The following MAGI1 variants were observed in gnomAD, a reference collection of about 807,000 sequenced individuals.
The protein encoded by MAGI1 is membrane-associated guanylate kinase, WW and PDZ domain-containing protein 1.
A neutral mutation model predicts 139.9 loss-of-function variants in MAGI1; 58 were observed. That is an observed-to-expected ratio of 0.41 (90% CI 0.34 to 0.52). MAGI1 has a LOEUF of 0.52. MAGI1 is among the 20% of genes least tolerant of loss of function. The pLI, the probability that MAGI1 is intolerant of heterozygous loss-of-function variation, is 0.12. For missense variants in MAGI1, 1,874 were observed against 1,901.6 expected (o/e 0.99, Z 0.27); for synonymous variants, 812 against 737.9 (o/e 1.10, Z -1.63).
chr3:65,685,673 T>C (rs546508544), intron 1 of MAGI1, among the ~76,000 whole-genome samples: 2 of 152,316 alleles, frequency 1.3e-5, no homozygotes, highest in South Asian at 2.1e-4. Flanking sequence ...CATATTGCTA[T>C]TTTCATTTGA....
intron 2 of MAGI1, among the ~76,000 whole-genome samples, chr3:65,617,137 G>A (rs1361896672): frequency 2.0e-5 from 3 of 152,152 alleles, no homozygotes; most frequent in South Asian, 4.1e-4. Context: ...TAATCCCTCC[G>A]TAAAGTCCTT....
intron 1 of MAGI1, among the ~76,000 whole-genome samples, chr3:65,782,613 C>T (rs1229445845): frequency 1.7e-5 from 1 of 60,544 alleles, no homozygotes; most frequent in African/African-American, 5.9e-5. Context: ...ATTTCTTAAG[C>T]AAAAAAAAAA....
intron 1 of MAGI1, among the ~76,000 whole-genome samples, chr3:65,755,364 G>A (rs565580833): frequency 6.6e-6 from 1 of 152,284 alleles, no homozygotes; most frequent in South Asian, 2.1e-4. Flanking sequence ...GACATGTTCA[G>A]GGTCATATCT....
chr3:65,499,346 A>T (rs983204933), intron 2 of MAGI1, among the ~76,000 whole-genome samples: 4 of 152,156 alleles, frequency 2.6e-5, no homozygotes, highest in African/African-American at 9.7e-5. Flanking sequence ...TGTAATGGTA[A>T]ATGGTAAAGA....
chr3:65,736,658 G>A (rs553454054), intron 1 of MAGI1, among the ~76,000 whole-genome samples: 1 of 152,274 alleles, frequency 6.6e-6, no homozygotes, highest in East Asian at 1.9e-4. Context: ...GAGAAGATGG[G>A]TGTCCCAGCT....
At chr3:65,582,843 G>A (rs939367889) in intron 2 of MAGI1, among the ~76,000 whole-genome samples, 4 of 152,148 alleles carry the variant, frequency 2.6e-5, no homozygotes, top group Non-Finnish European at 4.4e-5. Context: ...GCAAATGAAC[G>A]CTGACATGAG....
intron 5 of MAGI1, among the ~76,000 whole-genome samples, chr3:65,460,856 T>A (rs553673789): frequency 1.8e-4 from 27 of 152,160 alleles, no homozygotes; most frequent in Non-Finnish European, 3.1e-4. Context: ...GCTTCATCCA[T>A]GTCCCTGCAA....
intron 1 of MAGI1, among the ~76,000 whole-genome samples, chr3:65,740,759 G>A (rs11131036): frequency 0.19 from 29,428 of 152,080 alleles, 3,789 homozygotes; most frequent in East Asian, 0.37. Flanking sequence ...AGGTCAGGTC[G>A]TGAAAAAATA....
chr3:65,947,996 C>T (rs1376879789), intron 1 of MAGI1, among the ~76,000 whole-genome samples: 1 of 143,564 alleles, frequency 7.0e-6, no homozygotes, highest in African/African-American at 2.6e-5. Flanking sequence ...GGCTAGAGTG[C>T]ACTGGTACGA....
In MAGI1 at chr3:65,356,648, A is replaced by G. The variant is rs754609491; in HGVS notation, c.4119T>C (p.Ser1373=). 5 of 1,586,182 alleles carry G rather than the reference A, an allele frequency of 3.2e-6. No homozygotes were observed. The highest frequency in any genetic ancestry group is 2.2e-5 in the East Asian group (1 of 44,554). ...TCCTCTGCTCCAGGAGTCTCTCCAG[A>G]GACCGTCTCCGCCGGCTGGGGGAGC... The part of the protein sequence containing the change: ...RDGSPSRRRR[S]LERLLEQRRS... The change falls in exon 23 of 23, where the codon TCT becomes TCC. Residue 1373 remains serine, a synonymous_variant. Coordinates refer to ENST00000402939, the MANE Select transcript of MAGI1 (RefSeq NM_001033057.2).
chr3:65,782,053 CCTAA>C (rs1390338973), intron 1 of MAGI1, among the ~76,000 whole-genome samples: 2 of 152,072 alleles, frequency 1.3e-5, no homozygotes, highest in Non-Finnish European at 2.9e-5. Flanking sequence ...GTCTAGAGAC[CCTAA>C]CTATCAAAGG....
At chr3:65,649,797 A>G (rs1576598130) in intron 1 of MAGI1, among the ~76,000 whole-genome samples, 1 of 152,300 alleles carries the variant, frequency 6.6e-6, no homozygotes, top group East Asian at 1.9e-4. Flanking sequence ...GCAAATTAAA[A>G]CCACAATTAG....
intron 4 of MAGI1, 113 bp from the exon 5 acceptor site, chr3:65,470,597 A>C (rs1950502403): frequency 1.6e-6 from 1 of 630,366 alleles, no homozygotes; most frequent in African/African-American, 1.8e-5. Flanking sequence ...CTATATTCTT[A>C]AATGCTCTTA....
chr3:65,375,228 G>A (rs1268451762), intron 18 of MAGI1, among the ~76,000 whole-genome samples: 3 of 142,682 alleles, frequency 2.1e-5, no homozygotes, highest in Admixed American at 7.4e-5. Flanking sequence ...TCACTCTGTC[G>A]CCCAGGCTGG....
chr3:65,468,284 C>T (rs891758717), intron 5 of MAGI1, among the ~76,000 whole-genome samples: 19 of 151,962 alleles, frequency 1.3e-4, no homozygotes, highest in African/African-American at 3.6e-4. Context: ...GGGTTGTCCC[C>T]TCTCTCTGGC....
intron 6 of MAGI1, chr3:65,452,778 A>G (rs1949112903): frequency 6.4e-6 from 1 of 155,336 alleles, no homozygotes; most frequent in African/African-American, 2.4e-5. Flanking sequence ...AGTTACACAG[A>G]GATTCTCAAA....
intron 4 of MAGI1, among the ~76,000 whole-genome samples, chr3:65,474,464 C>G (rs1278821337): frequency 6.6e-6 from 1 of 152,150 alleles, no homozygotes; most frequent in Non-Finnish European, 1.5e-5. Context: ...GGGTTCTCAT[C>G]TGCAAAACTG....
chr3:65,621,751 A>G (rs1157247778), intron 2 of MAGI1, among the ~76,000 whole-genome samples: 1 of 152,172 alleles, frequency 6.6e-6, no homozygotes, highest in Non-Finnish European at 1.5e-5. Context: ...TGGGCCTTAC[A>G]AAGGGTAGAT....
intron 14 of MAGI1, among the ~76,000 whole-genome samples, chr3:65,387,618 G>C (rs548284647): frequency 1.3e-5 from 2 of 152,238 alleles, no homozygotes; most frequent in African/African-American, 2.4e-5. Flanking sequence ...TTATTCAAAA[G>C]TGTATCAAGT....
Sources: gnomAD v4.1 joint callset for allele counts (sites outside exome capture counted in the v4.1 genomes callset) on GRCh38, gnomAD v4.1.1 for gene constraint, MANE v1.5 for transcripts, NCBI Gene and HGNC (gene_info 2026-07-23, HGNC 2026-07-21) for gene names.